The following RERE variants were observed in gnomAD, a reference collection of about 807,000 sequenced individuals.
RERE encodes the protein arginine-glutamic acid dipeptide repeats protein.
In RERE, 40 loss-of-function variants were observed where a neutral mutation model predicts 146.1. That is an observed-to-expected ratio of 0.27 (90% confidence interval 0.21 to 0.36). The LOEUF is 0.36. Ranked by LOEUF, RERE falls within the 10% of genes least tolerant of loss-of-function variation. The pLI is 1.00. For synonymous variants in RERE, 1,003 were observed against 866.0 expected (o/e 1.16, Z -2.78); for missense variants, 1,933 against 2,138.7 (o/e 0.90, Z 1.90).
chr1:8,490,638 T>C (rs943552006), intron 10 of RERE, among the ~76,000 whole-genome samples: 1 of 150,506 alleles, frequency 6.6e-6, no homozygotes, highest in Non-Finnish European at 1.5e-5. Flanking sequence ...TATCGATACA[T>C]GAAACACAAC....
At chr1:8,545,196 A>T (rs1442398204) in intron 6 of RERE, among the ~76,000 whole-genome samples, 1 of 152,238 alleles carries the variant, frequency 6.6e-6, no homozygotes, top group Non-Finnish European at 1.5e-5. Flanking sequence ...TATACTCTGT[A>T]TCTAAAGCAA....
At chr1:8,618,023 C>A (rs1412712639) in intron 3 of RERE, among the ~76,000 whole-genome samples, 1 of 152,158 alleles carries the variant, frequency 6.6e-6, no homozygotes, top group Admixed American at 6.5e-5. Context: ...ACAACTACTA[C>A]TAAAGTTTTT....
At chr1:8,455,657 T>C (rs1570268555) in intron 11 of RERE, among the ~76,000 whole-genome samples, 1 of 152,310 alleles carries the variant, frequency 6.6e-6, no homozygotes, top group East Asian at 1.9e-4. Flanking sequence ...GTCACTGCAC[T>C]GAAGCAATGT....
chr1:8,575,416 C>T lies in RERE; in HGVS notation c.523-17893G>A, dbSNP rs540241491. On this transcript the variant is annotated intron_variant, in intron 4 of 22. Transcript: ENST00000400908. ...TTTTTTTTTTAAAGACACTGTTTTG[C>T]TGTTGTCCAGGCTGGAGTGCACTGG... 9.4e-4 allele frequency among the ~76,000 whole-genome samples: 133 copies of T among 142,008 alleles called. 7 individuals are homozygous for T. The South Asian group carries it at 0.029, about 31-fold the overall frequency. The allele number at this position is 142,008 out of a possible 152,430, so 93.2% of individuals were successfully genotyped here.
intron 4 of RERE, among the ~76,000 whole-genome samples, chr1:8,598,437 G>A (rs1220738543): frequency 2.0e-5 from 3 of 152,210 alleles, no homozygotes; most frequent in Admixed American, 2.0e-4. Flanking sequence ...GCTGGGTGCT[G>A]GGTGGGTTGC....
At chr1:8,730,660 A>G (rs959575581) in intron 1 of RERE, among the ~76,000 whole-genome samples, 11 of 152,246 alleles carry the variant, frequency 7.2e-5, no homozygotes, top group African/African-American at 2.4e-4. Context: ...GTTTTTTGAG[A>G]CAGAGTCTTG....
chr1:8,413,365 T>G (rs1465009741), intron 12 of RERE, among the ~76,000 whole-genome samples: 1 of 152,158 alleles, frequency 6.6e-6, no homozygotes, highest in African/African-American at 2.4e-5. Flanking sequence ...TGTTGTTGTT[T>G]TTGAGACTAC....
intron 2 of RERE, among the ~76,000 whole-genome samples, chr1:8,647,041 A>G (rs6690050): frequency 0.87 from 131,817 of 152,250 alleles, 57,559 homozygotes; most frequent in African/African-American, 0.97. Context: ...AGCAATGATC[A>G]TGCCATAGCA....
intron 1 of RERE, among the ~76,000 whole-genome samples, chr1:8,777,813 G>C (rs1214323687): frequency 6.6e-6 from 1 of 151,060 alleles, no homozygotes; most frequent in Non-Finnish European, 1.5e-5. Context: ...GGGATTACAG[G>C]CATGAGCCAC....
chr1:8,757,936 ATG>A (rs1640677288), intron 1 of RERE, among the ~76,000 whole-genome samples: 1 of 152,108 alleles, frequency 6.6e-6, no homozygotes. Context: ...ACACATATAT[ATG>A]CAATAGGATA....
intron 4 of RERE, among the ~76,000 whole-genome samples, chr1:8,580,798 C>CACCT (rs1646355202): frequency 6.7e-6 from 1 of 149,406 alleles, no homozygotes; most frequent in Non-Finnish European, 1.5e-5. Context: ...CTGCAAGCTC[C>CACCT]ACCTCCCAGG....
At chr1:8,417,216 C>T (rs1451523330) in intron 12 of RERE, among the ~76,000 whole-genome samples, 2 of 152,180 alleles carry the variant, frequency 1.3e-5, no homozygotes, top group African/African-American at 4.8e-5. Context: ...TTTTTAACCT[C>T]TTAATATTAA....
chr1:8,440,814 T>C (rs778628422), intron 11 of RERE, among the ~76,000 whole-genome samples: 18 of 151,500 alleles, frequency 1.2e-4, no homozygotes, highest in Non-Finnish European at 2.2e-4. Context: ...GGAGAATCGC[T>C]TGAACCCAGG....
chr1:8,533,833 A>ACAAAGGGTTTTTGAAATGAT (rs1037648019), intron 7 of RERE, among the ~76,000 whole-genome samples: 16 of 152,366 alleles, frequency 1.1e-4, no homozygotes, highest in African/African-American at 3.8e-4. Context: ...ATGTTATCTG[A>ACAAAGGGTTTTTGAAATGAT]CAAAGGGTTT....
At chr1:8,529,284 C>CTTTTTTTTTT (rs1185715350) in intron 7 of RERE, among the ~76,000 whole-genome samples, 1 of 84,542 alleles carries the variant, frequency 1.2e-5, no homozygotes, top group African/African-American at 4.6e-5. Flanking sequence ...TCAGTTCTCC[C>CTTTTTTTTTT]TTCTTTTTTT....
intron 4 of RERE, among the ~76,000 whole-genome samples, chr1:8,572,897 C>T (rs1646239252): frequency 6.6e-6 from 1 of 152,158 alleles, no homozygotes; most frequent in Non-Finnish European, 1.5e-5. Flanking sequence ...ATATTATTTT[C>T]CTTAAAATTA....
chr1:8,440,250 C>G (rs1261907169), intron 11 of RERE, among the ~76,000 whole-genome samples: 1 of 152,140 alleles, frequency 6.6e-6, no homozygotes, highest in Non-Finnish European at 1.5e-5. Context: ...AGTTCTTTAT[C>G]TCTTCTGTGC....
At chr1:8,736,401 G>T (rs1056668410) in intron 1 of RERE, among the ~76,000 whole-genome samples, 4 of 152,044 alleles carry the variant, frequency 2.6e-5, no homozygotes, top group Non-Finnish European at 4.4e-5. Flanking sequence ...TAGAGACGGG[G>T]TTTCACCGTC....
At chr1:8,401,072 T>TGTATGTCA (rs1643250685) in intron 12 of RERE, among the ~76,000 whole-genome samples, 1 of 122,632 alleles carries the variant, frequency 8.2e-6, no homozygotes, top group Non-Finnish European at 1.7e-5. Context: ...TATATATATA[T>TGTATGTCA]GTCACTTAAT....
Sources: gnomAD v4.1 joint callset for allele counts (sites outside exome capture counted in the v4.1 genomes callset) on GRCh38, gnomAD v4.1.1 for gene constraint, MANE v1.5 for transcripts, NCBI Gene and HGNC (gene_info 2026-07-23, HGNC 2026-07-21) for gene names.